DENND2B: variants seen among roughly 807,000 people sequenced by gnomAD.
The protein encoded by DENND2B is DENN domain-containing protein 2B.
DENND2B carries 32 observed loss-of-function variants against 116.0 expected under a neutral mutation model. The ratio of observed to expected loss-of-function variants is 0.28; its 90% CI spans 0.21 to 0.37. The LOEUF is 0.37. DENND2B is among the 10% of genes least tolerant of loss of function. DENND2B has a pLI of 1.00. For synonymous variants in DENND2B, 588 were observed against 583.9 expected, an observed-to-expected ratio of 1.01 and a Z score of -0.10; for missense variants, 1,276 against 1,477.7, an observed-to-expected ratio of 0.86 and a Z score of 2.24.
Position 8,742,694 on chromosome 11 carries a change from C to T in DENND2B, c.80+7927G>A, listed in dbSNP as rs527898989. Among the ~76,000 whole-genome samples, 14 of 152,320 alleles carry T rather than the reference C, an allele frequency of 9.2e-5. No individual in the cohort carries two copies. In the East Asian group the frequency reaches 2.7e-3, roughly 29 times the overall value. On this transcript the variant is annotated intron_variant, in intron 2 of 19. Transcript: ENST00000313726. ...TCGTTGTTAAAATTTAAAGGAATCA[C>T]AAATGAGAAAGGGCTTGCTGGTTTT...
At chr11:8,786,840 CA>C (rs139158870) in intron 1 of DENND2B, among the ~76,000 whole-genome samples, 10 of 150,510 alleles carry the variant, frequency 6.6e-5, no homozygotes, top group African/African-American at 1.7e-4. Flanking sequence ...AAACAAACAA[CA>C]AAAAAAAACA....
chr11:8,904,784 G>T (rs1286455530), intron 1 of DENND2B, among the ~76,000 whole-genome samples: 2 of 151,920 alleles, frequency 1.3e-5, no homozygotes, highest in African/African-American at 2.4e-5. Context: ...AATTTCATCT[G>T]AAAATGAAAT....
chr11:8,860,115 A>G (rs1332001204), intron 2 of DENND2B, among the ~76,000 whole-genome samples: 1 of 152,220 alleles, frequency 6.6e-6, no homozygotes, highest in Non-Finnish European at 1.5e-5. Context: ...TCTTCCCGCC[A>G]AGGTACAGGA....
chr11:8,886,079 T>C (rs541756482), intron 1 of DENND2B, among the ~76,000 whole-genome samples: 1 of 152,240 alleles, frequency 6.6e-6, no homozygotes, highest in East Asian at 1.9e-4. Context: ...TAGCTAAGAC[T>C]ACAGGTCCAC....
At chr11:8,729,795 T>C (rs1177757366) in intron 3 of DENND2B, among the ~76,000 whole-genome samples, 155 bp downstream of exon 3, 1 of 152,208 alleles carries the variant, frequency 6.6e-6, no homozygotes, top group Non-Finnish European at 1.5e-5. Flanking sequence ...CAATCTCATT[T>C]TTCACTACCA....
intron 1 of DENND2B, among the ~76,000 whole-genome samples, chr11:8,888,231 C>T (rs1054416992): frequency 1.3e-5 from 2 of 152,184 alleles, no homozygotes; most frequent in Admixed American, 1.3e-4. Flanking sequence ...CCATGGCAGG[C>T]AGCTGTACAC....
intron 2 of DENND2B, among the ~76,000 whole-genome samples, chr11:8,870,223 AATC>A (rs2063729060): frequency 6.6e-6 from 1 of 152,228 alleles, no homozygotes; most frequent in African/African-American, 2.4e-5. Flanking sequence ...TATTCATATT[AATC>A]ATCAACTACT....
chr11:8,794,900 T>G (rs1210868101), intron 1 of DENND2B: 2 of 152,298 alleles, frequency 1.3e-5, no homozygotes, highest in Non-Finnish European at 2.9e-5. Flanking sequence ...ACTGTGGACT[T>G]TGCCCTTGAA....
chr11:8,712,824 G>T lies in DENND2B; in HGVS notation c.1988-89C>A. ...TGGCTCAGGGCTCCATTGCTGTGGA[G>T]CACTTTTAAGTACGTGAGCCTAGTC... On this transcript the variant is annotated intron_variant, in intron 8 of 19. Transcript: ENST00000313726. The surrounding 1 kb of genome is among the most constrained non-coding windows in gnomAD (Gnocchi z 4.4). The T allele has an allele frequency of 7.3e-7, 1 of 1,371,862 alleles. No homozygotes were observed. Among genetic ancestry groups the T allele is most frequent in the Non-Finnish European group, 9.8e-7 (1 of 1,021,406 alleles). The allele number at this position is 1,371,862 out of a possible 1,614,324, so 85.0% of individuals were successfully genotyped here. A position where few individuals can be genotyped will look rare whatever the true frequency, so the allele number is the denominator to read the frequency against.
intron 1 of DENND2B, among the ~76,000 whole-genome samples, chr11:8,788,012 C>T (rs1371763142): frequency 6.6e-6 from 1 of 152,046 alleles, no homozygotes; most frequent in African/African-American, 2.4e-5. Context: ...GAAAAGGGGT[C>T]ACTCTACCTT....
chr11:8,819,848 G>T (rs528754232), intron 4 of DENND2B, among the ~76,000 whole-genome samples: 1 of 152,200 alleles, frequency 6.6e-6, no homozygotes, highest in Admixed American at 6.5e-5. Flanking sequence ...AAGGAGTTTC[G>T]TAAGAAAAAC....
upstream of DENND2B, among the ~76,000 whole-genome samples, chr11:8,875,050 G>A (rs997525481): frequency 5.9e-5 from 9 of 152,144 alleles, no homozygotes; most frequent in Admixed American, 2.0e-4. Context: ...TAGGCCGGGC[G>A]CCGTGGCTCA....
intron 4 of DENND2B, among the ~76,000 whole-genome samples, chr11:8,827,244 A>G (rs139957527): frequency 6.6e-6 from 1 of 152,204 alleles, no homozygotes; most frequent in East Asian, 1.9e-4. Flanking sequence ...TGAACGACTG[A>G]GAGGAGGAAG....
At chr11:8,710,987 G>C (rs139173167) in intron 10 of DENND2B, 73 bp from the exon 11 acceptor site, 2 of 1,586,932 alleles carry the variant, frequency 1.3e-6, no homozygotes, top group Non-Finnish European at 1.7e-6. Flanking sequence ...AATAGGGACC[G>C]TCATTTTCAC....
chr11:8,847,745 A>G (rs1048733932), intron 3 of DENND2B, among the ~76,000 whole-genome samples: 6 of 152,202 alleles, frequency 3.9e-5, no homozygotes, highest in Non-Finnish European at 2.9e-5. Context: ...TCCATACTAA[A>G]TGAACTGATG....
intron 2 of DENND2B, among the ~76,000 whole-genome samples, chr11:8,741,746 C>T (rs76594224): frequency 0.02 from 3,008 of 152,286 alleles, 100 homozygotes; most frequent in African/African-American, 0.067. Context: ...GCCCAGGCCA[C>T]GTGGAAAGGG....
At chr11:8,751,425 C>T (rs1256409261) in intron 1 of DENND2B, among the ~76,000 whole-genome samples, 2 of 152,136 alleles carry the variant, frequency 1.3e-5, no homozygotes, top group Non-Finnish European at 2.9e-5. Context: ...CTCGGGTCCC[C>T]TTCCACACTG....
chr11:8,807,916 C>T (rs4929917), intron 1 of DENND2B: 146,083 of 152,474 alleles, frequency 0.96, 70,292 homozygotes, highest in East Asian at 1. Context: ...AGGTCTTCCC[C>T]ATCCTACAGT....
At chr11:8,822,408 A>G (rs2061799915) in intron 4 of DENND2B, among the ~76,000 whole-genome samples, 1 of 152,230 alleles carries the variant, frequency 6.6e-6, no homozygotes, top group East Asian at 1.9e-4. Flanking sequence ...TAAACAATAC[A>G]GTATTAACTA....
Sources: allele counts gnomAD v4.1 joint callset (sites outside exome capture counted in the v4.1 genomes callset), GRCh38; gene constraint gnomAD v4.1.1; non-coding constraint Gnocchi (gnomAD v3.1); transcripts MANE v1.5; gene names NCBI Gene and HGNC (gene_info 2026-07-23, HGNC 2026-07-21).